RIMS1: variants seen among roughly 807,000 people sequenced by gnomAD.
The protein encoded by RIMS1 is regulating synaptic membrane exocytosis protein 1.
RIMS1 carries 83 observed loss-of-function variants against 214.1 expected under a neutral mutation model. The observed-to-expected ratio is 0.39, with a 90% CI of 0.32 to 0.47. The LOEUF (loss-of-function observed/expected upper bound fraction) is 0.47. Among genes scored for constraint, RIMS1 ranks in the 20% least tolerant of loss-of-function variants. RIMS1 has a pLI of 0.99. For missense variants in RIMS1, 2,050 were observed against 2,161.8 expected, an observed-to-expected ratio of 0.95 and a Z score of 1.03; for synonymous variants, 793 against 786.8, an observed-to-expected ratio of 1.01 and a Z score of -0.13.
At position 72,313,592 on chromosome 6, in the gene RIMS1, T is replaced by C; in HGVS notation, c.4050T>C (p.Ile1350=). ...GTGATGTCAGTGATGTTTCCGCCAT[T>C]TCCCGAACCAGCAGTGCCTCACGCC... ...SDSDVSDVSA[I]SRTSSASRLS... The change falls in exon 28 of 34, where the codon ATT becomes ATC. Residue 1350 remains isoleucine, a synonymous_variant. Coordinates refer to ENST00000521978, the MANE Select transcript of RIMS1 (RefSeq NM_014989.7). The C allele has an allele frequency of 6.2e-7, 1 of 1,613,804 alleles. No individual in the cohort carries two copies. The highest frequency in any genetic ancestry group is 8.5e-7 in the Non-Finnish European group (1 of 1,179,800).
chr6:72,217,153 C>T, intron 6 of RIMS1: 1 of 1,535,224 alleles, frequency 6.5e-7, no homozygotes, highest in Non-Finnish European at 8.7e-7. Flanking sequence ...GATTTGATGC[C>T]AGTGGCATTT....
At chr6:72,133,190 T>C (rs765246747) in intron 4 of RIMS1, among the ~76,000 whole-genome samples, 7 of 152,052 alleles carry the variant, frequency 4.6e-5, no homozygotes, top group Non-Finnish European at 1.0e-4. Flanking sequence ...AGTGTACTCA[T>C]AGTTTATTCA....
intron 2 of RIMS1, among the ~76,000 whole-genome samples, chr6:72,052,149 A>C (rs1189607030): frequency 1.3e-5 from 2 of 152,196 alleles, no homozygotes; most frequent in East Asian, 3.9e-4. Flanking sequence ...CACTTTCTCA[A>C]ATGAAATGTT....
chr6:72,215,960 A>T (rs1442795424), intron 6 of RIMS1, among the ~76,000 whole-genome samples: 1 of 152,200 alleles, frequency 6.6e-6, no homozygotes, highest in East Asian at 1.9e-4. Context: ...TAAATGAAAG[A>T]TGTTCCTAAT....
rs550251306 is a variant in RIMS1, at chr6:72,271,578, G to A, written c.3399-2771G>A. 9.2e-5 allele frequency among the ~76,000 whole-genome samples: 14 copies of A among 151,994 alleles called. No individual in the cohort carries two copies. In the East Asian group the frequency reaches 1.4e-3, roughly 15 times the overall value. On this transcript the variant is annotated intron_variant, in intron 22 of 33. Coordinates refer to ENST00000521978, the MANE Select transcript of RIMS1 (RefSeq NM_014989.7). ...CAAGAGATATGCACCATTGAAAGAC[G>A]TGTGTATATGCAAGTACAGGTATTA...
chr6:72,037,399 T>A (rs780197760), intron 2 of RIMS1, among the ~76,000 whole-genome samples: 3 of 152,076 alleles, frequency 2.0e-5, no homozygotes, highest in Non-Finnish European at 4.4e-5. Context: ...GCATTTTAGT[T>A]TGTCACCCTG....
At chr6:72,153,913 G>A (rs988517926) in intron 4 of RIMS1, among the ~76,000 whole-genome samples, 3 of 152,026 alleles carry the variant, frequency 2.0e-5, no homozygotes, top group African/African-American at 7.3e-5. Context: ...AATGTATAAG[G>A]CATGAAAAAA....
In RIMS1 at chr6:71,886,854, C is replaced by G; in HGVS notation, c.-170C>G. ...AAACAACCATGAAAGACTGGGTTCT[C>G]GCTCTCCCCGGCTCTGCTGCTGCTG... On this transcript the variant is annotated 5_prime_UTR_variant, in exon 1 of 34. Coordinates refer to ENST00000521978, the MANE Select transcript of RIMS1 (RefSeq NM_014989.7). 1.5e-6 allele frequency: 1 copy of G among 680,854 alleles called. No individual in the cohort carries two copies. The highest frequency in any genetic ancestry group is 2.5e-6 in the Non-Finnish European group (1 of 401,504). 42.2% of individuals were successfully genotyped at this position (680,854 alleles called of 1,614,324 possible).
At chr6:72,255,628 A>G (rs1197316126) in intron 16 of RIMS1, among the ~76,000 whole-genome samples, 2 of 152,216 alleles carry the variant, frequency 1.3e-5, no homozygotes, top group African/African-American at 4.8e-5. Flanking sequence ...AAAAATAACC[A>G]TATACAGAAT....
intron 1 of RIMS1, among the ~76,000 whole-genome samples, chr6:71,901,628 A>C (rs1773647349): frequency 6.6e-6 from 1 of 152,086 alleles, no homozygotes; most frequent in African/African-American, 2.4e-5. Context: ...AGGGTGAAGG[A>C]CTGGCTGGAA....
At chr6:72,068,951 A>G (rs1036979979) in intron 2 of RIMS1, among the ~76,000 whole-genome samples, 1 of 151,878 alleles carries the variant, frequency 6.6e-6, no homozygotes, top group African/African-American at 2.4e-5. Context: ...AGCTGATGGG[A>G]CTGCTGAAAG....
chr6:72,150,665 G>T (rs976720734), intron 4 of RIMS1, among the ~76,000 whole-genome samples: 1 of 152,182 alleles, frequency 6.6e-6, no homozygotes, highest in Non-Finnish European at 1.5e-5. Context: ...AACTAGTTTC[G>T]TAGGAATTGA....
intron 29 of RIMS1, among the ~76,000 whole-genome samples, chr6:72,354,958 G>A (rs777467117): frequency 2.6e-5 from 4 of 151,994 alleles, no homozygotes; most frequent in Non-Finnish European, 5.9e-5. Flanking sequence ...AATATTAAAC[G>A]CGAGGAATGT....
intron 6 of RIMS1, among the ~76,000 whole-genome samples, chr6:72,203,297 T>G (rs2052361302): frequency 6.6e-6 from 1 of 152,182 alleles, no homozygotes; most frequent in Non-Finnish European, 1.5e-5. Context: ...CCATAAATAT[T>G]ATTTCTATGG....
intron 23 of RIMS1, among the ~76,000 whole-genome samples, chr6:72,277,687 T>C (rs1340862477): frequency 6.6e-6 from 1 of 152,148 alleles, no homozygotes; most frequent in Non-Finnish European, 1.5e-5. Flanking sequence ...ATTTTAAAAT[T>C]GTAGTGAAAA....
chr6:72,279,991 T>G (rs1056244847), intron 23 of RIMS1, among the ~76,000 whole-genome samples: 15 of 151,974 alleles, frequency 9.9e-5, no homozygotes, highest in African/African-American at 3.4e-4. Context: ...CCAAAGGTCA[T>G]GTTGTATTTA....
At chr6:72,247,378 A>C (rs2070543701) in intron 11 of RIMS1, among the ~76,000 whole-genome samples, 1 of 152,090 alleles carries the variant, frequency 6.6e-6, no homozygotes, top group African/African-American at 2.4e-5. Context: ...TCTACTAAAA[A>C]TACAAAATTA....
At chr6:72,050,281 G>GT (rs932099438) in intron 2 of RIMS1, among the ~76,000 whole-genome samples, 26 of 151,832 alleles carry the variant, frequency 1.7e-4, no homozygotes, top group South Asian at 6.3e-4. Context: ...CAAATTATTT[G>GT]TTTTTTTTCC....
At chr6:72,340,980 C>T (rs538945913) in intron 29 of RIMS1, among the ~76,000 whole-genome samples, 1 of 152,046 alleles carries the variant, frequency 6.6e-6, no homozygotes, top group African/African-American at 2.4e-5. Context: ...TTGTAGTTCT[C>T]CTTGAAGAGG....
Sources: gnomAD v4.1 joint callset for allele counts (sites outside exome capture counted in the v4.1 genomes callset) on GRCh38, gnomAD v4.1.1 for gene constraint, MANE v1.5 for transcripts, NCBI Gene and HGNC (gene_info 2026-07-23, HGNC 2026-07-21) for gene names.